TTC34: variants seen among roughly 807,000 people sequenced by gnomAD.
TTC34 encodes tetratricopeptide repeat protein 34.
TTC34 carries 44 observed loss-of-function variants against 40.7 expected under a neutral mutation model. The ratio of observed to expected loss-of-function variants is 1.08; its 90% confidence interval spans 0.85 to 1.39. TTC34 has a LOEUF of 1.39. TTC34 is among the 40% of genes most tolerant of loss of function. The pLI, the probability that TTC34 is intolerant of heterozygous loss-of-function variation, is 0.00. For synonymous variants in TTC34, 422 were observed against 398.6 expected (o/e 1.06, Z -0.70); for missense variants, 884 against 838.0 (o/e 1.05, Z -0.68).
intron 6 of TTC34, among the ~76,000 whole-genome samples, chr1:2,680,448 G>A (rs1553154093): frequency 2.4e-5 from 2 of 83,850 alleles, no homozygotes; most frequent in Non-Finnish European, 6.5e-5. Context: ...ACCGCATGGA[G>A]CAGCACCCAC....
intron 6 of TTC34, among the ~76,000 whole-genome samples, chr1:2,691,648 G>A (rs539282152): frequency 9.0e-6 from 1 of 111,706 alleles, no homozygotes; most frequent in African/African-American, 3.1e-5. Flanking sequence ...GTGACAGCCT[G>A]GAACAGCACC....
At chr1:2,640,352 T>G (rs988160964) in exon 9 of TTC34, 1 of 152,254 alleles carries the variant, frequency 6.6e-6, no homozygotes, top group Non-Finnish European at 1.5e-5. Context: ...CACTGGCAGC[T>G]GCAAGGCCTG....
intron 6 of TTC34, among the ~76,000 whole-genome samples, chr1:2,757,871 A>C (rs1296390050): frequency 1.3e-4 from 16 of 119,276 alleles, no homozygotes; most frequent in African/African-American, 4.3e-4. Context: ...AGCACCCACA[A>C]CCACAGGTGA....
At chr1:2,689,982 AGGTG>A (rs1640541167) in intron 6 of TTC34, among the ~76,000 whole-genome samples, 1 of 141,358 alleles carries the variant, frequency 7.1e-6, no homozygotes, top group African/African-American at 2.8e-5. Flanking sequence ...CCACACCCCC[AGGTG>A]AGCATCTGAC....
intron 6 of TTC34, among the ~76,000 whole-genome samples, chr1:2,655,607 G>A (rs113871669): frequency 7.7e-5 from 1 of 12,908 alleles, no homozygotes; most frequent in African/African-American, 2.0e-4. Context: ...GGAACAGCAC[G>A]CTGCACCCCC....
intron 6 of TTC34, among the ~76,000 whole-genome samples, chr1:2,651,434 C>T (rs1639130941): frequency 6.6e-6 from 1 of 152,114 alleles, no homozygotes; most frequent in South Asian, 2.1e-4. Context: ...CACAACCCCA[C>T]ACACGCAGGT....
intron 6 of TTC34, among the ~76,000 whole-genome samples, chr1:2,700,193 C>A (rs1212470572): frequency 1.1e-5 from 1 of 90,590 alleles, no homozygotes; most frequent in African/African-American, 3.3e-5. Context: ...CATCCGACAG[C>A]CTGGAGCAGC....
chr1:2,793,424 C>T lies in TTC34; in HGVS notation c.785-3078G>A, dbSNP rs145932098. On this transcript the variant is annotated intron_variant, in intron 2 of 8. Transcript: ENST00000401095. ...TTGTATATTTTGCAAGCATTTTTCT[C>T]CTTTTGTGGATCGTCTTTATTTTCT... 2.3e-3 allele frequency among the ~76,000 whole-genome samples: 346 copies of T among 152,180 alleles called. 1 individual carries two copies. Among genetic ancestry groups the T allele is most frequent in the African/African-American group, 8.0e-3 (331 of 41,524 alleles).
At chr1:2,780,941 G>A (rs930839297) in intron 6 of TTC34, among the ~76,000 whole-genome samples, 1 of 152,078 alleles carries the variant, frequency 6.6e-6, no homozygotes, top group African/African-American at 2.4e-5. Context: ...TTTCAGCAAT[G>A]TTTTATAGTT....
chr1:2,641,906 G>A lies in TTC34; in HGVS notation c.2713-11C>T, dbSNP rs1328597427. On this transcript the variant is annotated splice_polypyrimidine_tract_variant and intron_variant, in intron 8 of 8. Transcript: ENST00000401095. ...TTCCTGGGCCGCCGCCTGCACAGAG[G>A]ACACAGAGAGAGGCAGGGAGAGTGG... The A allele has an allele frequency of 6.8e-7, 1 of 1,460,130 alleles. No homozygotes were observed. The highest frequency in any genetic ancestry group is 9.0e-7 in the Non-Finnish European group (1 of 1,108,516). The allele number at this position is 1,460,130 out of a possible 1,614,324, so 90.4% of individuals were successfully genotyped here. A position where few individuals can be genotyped will look rare whatever the true frequency, so the allele number is the denominator to read the frequency against.
At chr1:2,650,630 G>T (rs892263869) in intron 6 of TTC34, among the ~76,000 whole-genome samples, 1 of 151,526 alleles carries the variant, frequency 6.6e-6, no homozygotes, top group Admixed American at 6.6e-5. Flanking sequence ...CGACCTTCAG[G>T]TGAGTGTCTG....
rs1643610683 is a variant in TTC34 at position 2,787,725 on chromosome 1, AG to A, written c.1629-20del. 4.0e-6 allele frequency: 6 copies of A among 1,506,432 alleles called. No homozygotes were observed. Among genetic ancestry groups the A allele is most frequent in the African/African-American group, 2.8e-5 (2 of 71,952 alleles). The allele number at this position is 1,506,432 out of a possible 1,614,324, so 93.3% of individuals were successfully genotyped here. A position where few individuals can be genotyped will look rare whatever the true frequency, so the allele number is the denominator to read the frequency against. On this transcript the variant is annotated intron_variant, in intron 3 of 8. Transcript: ENST00000401095. ...GGCGACCCTGTGTGGAGATCAGCTC[AG>A]GGGGGCATGCCCCTTTTGACAACCC...
At chr1:2,790,475 CCTCCAGT>C in intron 2 of TTC34, 129 bp from the exon 3 acceptor site, 1 of 397,402 alleles carries the variant, frequency 2.5e-6, no homozygotes. Flanking sequence ...GAGGCATCTC[CCTCCAGT>C]CTCCAGGTGG....
intron 6 of TTC34, among the ~76,000 whole-genome samples, chr1:2,771,471 A>G (rs1157112354): frequency 1.0e-4 from 8 of 76,554 alleles, no homozygotes; most frequent in Admixed American, 2.3e-4. Flanking sequence ...ACAGTCTGGA[A>G]CAGCATCCAC....
In TTC34 at chr1:2,699,447, C is replaced by G. The variant is rs916769363; in HGVS notation, c.2227-53884G>C. On this transcript the variant is annotated intron_variant, in intron 6 of 8. Coordinates refer to ENST00000401095, the Ensembl canonical transcript of TTC34. ...AGTATCTGACAGCCTGGAACATCAC[C>G]CCGCACCCACAGGCGAGCATCTGAC... is the stretch of plus-strand genomic sequence containing the variant. 1.3e-4 allele frequency among the ~76,000 whole-genome samples: 15 copies of G among 115,472 alleles called. 2 individuals carry two copies. The highest frequency in any genetic ancestry group is 2.7e-4 in the Admixed American group (3 of 11,054). The allele number at this position is 115,472 out of a possible 152,430, so 75.8% of individuals were successfully genotyped here.
chr1:2,800,791 G>C (rs896112748), exon 2 of TTC34: 1 of 398,678 alleles, frequency 2.5e-6, no homozygotes. Flanking sequence ...TCCCCCTCCC[G>C]GCAGAGGCAG....
chr1:2,645,576 A>AGGGGGG lies in TTC34; in HGVS notation c.2227-14_2227-13insCCCCCC. 8.6e-5 allele frequency: 2 copies of AGGGGGG among 23,294 alleles called. No individual in the cohort carries two copies. The highest frequency in any genetic ancestry group is 7.1e-5 in the Non-Finnish European group (1 of 14,060). The allele number at this position is 23,294 out of a possible 1,614,324, so 1.4% of individuals were successfully genotyped here. On this transcript the variant is annotated splice_polypyrimidine_tract_variant and intron_variant, in intron 6 of 8. Transcript: ENST00000401095. The surrounding 1 kb of genome is among the most constrained non-coding windows in gnomAD (Gnocchi z 4.7). ...CGTCCACGGCTTCCTGCAAGGAGGG[A>AGGGGGG]GGGCGGGCGGGTGCAGAGTTGTCCT...
At chr1:2,789,385 AGT>A in intron 3 of TTC34, 116 bp downstream of exon 3, 1 of 1,038,010 alleles carries the variant, frequency 9.6e-7, no homozygotes, top group Non-Finnish European at 1.3e-6. Flanking sequence ...TGCTTTGGGA[AGT>A]CACCAGCCAC....
chr1:2,648,198 T>C (rs541815219), intron 6 of TTC34, among the ~76,000 whole-genome samples: 14 of 152,334 alleles, frequency 9.2e-5, no homozygotes, highest in South Asian at 2.1e-4. Flanking sequence ...CCTGGTTCTC[T>C]GTGTGCCTAG....
Sources: gnomAD v4.1 joint callset for allele counts (sites outside exome capture counted in the v4.1 genomes callset) on GRCh38, gnomAD v4.1.1 for gene constraint, Gnocchi (gnomAD v3.1) non-coding constraint, MANE v1.5 for transcripts, NCBI Gene and HGNC (gene_info 2026-07-23, HGNC 2026-07-21) for gene names.